G2E3: variants seen among roughly 807,000 people sequenced by gnomAD.
The protein encoded by G2E3 is G2/M-phase specific E3 ubiquitin protein ligase.
G2E3 carries 35 observed loss-of-function variants against 92.8 expected under a neutral mutation model. The ratio of observed to expected loss-of-function variants is 0.38; its 90% confidence interval spans 0.29 to 0.50. G2E3 has a LOEUF of 0.50. Among genes scored for constraint, G2E3 ranks in the 20% least tolerant of loss-of-function variants. The pLI is 0.94. For missense variants in G2E3, 554 were observed against 823.8 expected, an observed-to-expected ratio of 0.67 and a Z score of 4.01; for synonymous variants, 242 against 272.4, an observed-to-expected ratio of 0.89 and a Z score of 1.10.
chr14:30,584,330 T>C (rs1307637618), intron 2 of G2E3, among the ~76,000 whole-genome samples: 2 of 152,270 alleles, frequency 1.3e-5, no homozygotes, highest in African/African-American at 4.8e-5. Context: ...ACAGTGCTGC[T>C]GTGAACATTA....
intron 4 of G2E3, 138 bp downstream of exon 4, chr14:30,589,622 A>G (rs940539743): frequency 7.1e-6 from 4 of 566,778 alleles, no homozygotes; most frequent in Non-Finnish European, 1.3e-5. Context: ...TAAATATGGT[A>G]AGTTTTAGGA....
intron 1 of G2E3, among the ~76,000 whole-genome samples, chr14:30,562,016 T>C (rs2138750377): frequency 6.6e-6 from 1 of 152,334 alleles, no homozygotes; most frequent in African/African-American, 2.4e-5. Context: ...GAGCAATGTT[T>C]GTTAATATTC....
chr14:30,595,681 A>C (rs182291003), intron 6 of G2E3, among the ~76,000 whole-genome samples: 1 of 152,250 alleles, frequency 6.6e-6, no homozygotes, highest in Admixed American at 6.5e-5. Context: ...TTCTTGAGTC[A>C]CTCTCTCTAA....
chr14:30,600,462 G>A (rs1443723297), intron 8 of G2E3, among the ~76,000 whole-genome samples: 3 of 152,076 alleles, frequency 2.0e-5, no homozygotes, highest in African/African-American at 7.2e-5. Context: ...TTATTCATTC[G>A]TTAACACCAA....
At chr14:30,601,644 T>G in intron 8 of G2E3, 126 bp from the exon 9 acceptor site, 2 of 855,092 alleles carry the variant, frequency 2.3e-6, no homozygotes, top group South Asian at 3.3e-5. Context: ...TTTTTCTTCC[T>G]TTAGTAAATC....
chr14:30,608,122 A>G lies in G2E3; in HGVS notation c.1500+53A>G, dbSNP rs1881918249. ...GCACACTACATTCTAGGTATCTTTT[A>G]ATGTAAATGACTGATCTGCAATAAA... is the stretch of plus-strand genomic sequence containing the variant. On this transcript the variant is annotated intron_variant, in intron 12 of 14. Coordinates refer to ENST00000206595, the MANE Select transcript of G2E3 (RefSeq NM_017769.5). 3 of 999,998 alleles carry G rather than the reference A, an allele frequency of 3.0e-6. No homozygotes were observed. In the South Asian group the frequency reaches 5.6e-5, roughly 19 times the overall value. The allele number at this position is 999,998 out of a possible 1,614,324, so 61.9% of individuals were successfully genotyped here. A position where few individuals can be genotyped will look rare whatever the true frequency, so the allele number is the denominator to read the frequency against.
chr14:30,559,738 C>G lies in G2E3; in HGVS notation c.-5+466C>G, dbSNP rs550649712. The G allele has an allele frequency of 3.3e-5, 5 of 152,302 alleles. No homozygotes were observed. The South Asian group carries it at 6.2e-4, about 19-fold the overall frequency. The allele number at this position is 152,302 out of a possible 1,614,324, so 9.4% of individuals were successfully genotyped here. A position where few individuals can be genotyped will look rare whatever the true frequency, so the allele number is the denominator to read the frequency against. Reference sequence around the variant, plus strand: ...AAGATGCTCTACGTGGCTCCGCGTTCCTCCTGAGAGAGATACCCGGGCAAC... The same window carrying G: ...AAGATGCTCTACGTGGCTCCGCGTTGCTCCTGAGAGAGATACCCGGGCAAC... On this transcript the variant is annotated intron_variant, in intron 1 of 14. Transcript: ENST00000206595.
At chr14:30,595,984 C>T (rs1566542755) in intron 6 of G2E3, among the ~76,000 whole-genome samples, 1 of 152,026 alleles carries the variant, frequency 6.6e-6, no homozygotes, top group East Asian at 1.9e-4. Context: ...TGTTTTTTCT[C>T]CTCTATACCA....
Position 30,601,908 on chromosome 14 carries a change from A to C in G2E3, c.877+14A>C, listed in dbSNP as rs1210300126. The C allele has an allele frequency of 6.2e-7, 1 of 1,610,358 alleles. No homozygotes were observed. The highest frequency in any genetic ancestry group is 1.1e-5 in the South Asian group (1 of 90,608). ...TCTACAATTCAGGTAATTTTTTTGT[A>C]ATTTTGAATAAAGTTTTTATTCAAA... On this transcript the variant is annotated intron_variant, in intron 9 of 14. Coordinates refer to ENST00000206595, the MANE Select transcript of G2E3 (RefSeq NM_017769.5).
At chr14:30,614,053 T>C (rs8019014) in intron 13 of G2E3, among the ~76,000 whole-genome samples, 5,595 of 152,232 alleles carry the variant, frequency 0.037, 329 homozygotes, top group African/African-American at 0.12. Context: ...TTTAAAATTA[T>C]ATAAAATGTT....
At chr14:30,579,809 A>G (rs756895081) in intron 1 of G2E3, among the ~76,000 whole-genome samples, 9 of 152,216 alleles carry the variant, frequency 5.9e-5, no homozygotes, top group African/African-American at 7.2e-5. Flanking sequence ...AAATGAGATT[A>G]TATTTACCTA....
intron 1 of G2E3, among the ~76,000 whole-genome samples, chr14:30,580,175 G>A (rs544367661): frequency 1.2e-4 from 18 of 152,110 alleles, no homozygotes; most frequent in African/African-American, 3.4e-4. Flanking sequence ...CCACAAATAC[G>A]GTATAGACTA....
At chr14:30,595,555 A>C (rs1016480613) in intron 6 of G2E3, among the ~76,000 whole-genome samples, 1 of 152,250 alleles carries the variant, frequency 6.6e-6, no homozygotes, top group African/African-American at 2.4e-5. Context: ...GACTAGGTCT[A>C]CTTTATGCAA....
At chr14:30,598,318 C>G (rs1055271743) in intron 7 of G2E3, 165 bp from the exon 8 acceptor site, 1 of 499,006 alleles carries the variant, frequency 2.0e-6, no homozygotes, top group Non-Finnish European at 3.6e-6. Context: ...ACCCGGCAGG[C>G]GGAGGTTGCA....
In G2E3 at chr14:30,566,110, A is replaced by G. The variant is rs562133410; in HGVS notation, c.-5+6838A>G. 4.6e-5 allele frequency among the ~76,000 whole-genome samples: 7 copies of G among 152,106 alleles called. No individual in the cohort carries two copies. The East Asian group carries it at 7.7e-4, about 17-fold the overall frequency. On this transcript the variant is annotated intron_variant, in intron 1 of 14. Transcript: ENST00000206595. ...ATTTATTGACTCTTTCTTCTTTTCT[A>G]TTGATGTGTATGTCTGTCCTTGTGC... is the stretch of plus-strand genomic sequence containing the variant.
At position 30,619,716 on chromosome 14, in the gene G2E3, T is replaced by C. The variant is rs1174163915; in HGVS notation, c.*3182T>C. The C allele has an allele frequency of 6.6e-6, 1 of 151,760 alleles. No homozygotes were observed. The highest frequency in any genetic ancestry group is 1.5e-5 in the Non-Finnish European group (1 of 67,922). 9.4% of individuals were successfully genotyped at this position (151,760 alleles called of 1,614,324 possible). ...AGTACCTACACTATGCCAGGTATTA[T>C]GCTAGGTGATCGTTTATATGTCAGC... On this transcript the variant is annotated 3_prime_UTR_variant, in exon 15 of 15. Transcript: ENST00000206595.
chr14:30,598,457 A>C (rs1017507599), intron 7 of G2E3, 26 bp from the exon 8 acceptor site: 3 of 1,335,718 alleles, frequency 2.2e-6, no homozygotes, highest in African/African-American at 1.4e-5. Flanking sequence ...TATAGGTCAA[A>C]GCATATTTTA....
At chr14:30,580,549 A>C (rs756776742) in intron 1 of G2E3, among the ~76,000 whole-genome samples, 1 of 152,216 alleles carries the variant, frequency 6.6e-6, no homozygotes, top group South Asian at 2.1e-4. Flanking sequence ...TGGCATGGCT[A>C]TTGATGATGT....
At chr14:30,563,998 C>T (rs1389449725) in intron 1 of G2E3, among the ~76,000 whole-genome samples, 1 of 152,128 alleles carries the variant, frequency 6.6e-6, no homozygotes, top group Admixed American at 6.5e-5. Context: ...GGATTACAGG[C>T]GTGAGCCACC....
Sources: gnomAD v4.1 joint callset for allele counts (sites outside exome capture counted in the v4.1 genomes callset) on GRCh38, gnomAD v4.1.1 for gene constraint, MANE v1.5 for transcripts, NCBI Gene and HGNC (gene_info 2026-07-23, HGNC 2026-07-21) for gene names.